ADAMTS18: variants seen among roughly 807,000 people sequenced by gnomAD.
ADAMTS18 encodes the protein A disintegrin and metalloproteinase with thrombospondin motifs 18.
ADAMTS18 carries 157 observed loss-of-function variants against 165.9 expected under a neutral mutation model. The ratio of observed to expected loss-of-function variants is 0.95; its 90% CI spans 0.83 to 1.08. ADAMTS18 has a LOEUF of 1.08. Ranked by LOEUF, ADAMTS18 falls within the 50% of genes least tolerant of loss-of-function variation. ADAMTS18 has a pLI of 0.00. For missense variants in ADAMTS18, 2,040 were observed against 1,534.0 expected (o/e 1.33, Z -5.51); for synonymous variants, 782 against 578.2 (o/e 1.35, Z -5.06).
intron 19 of ADAMTS18, among the ~76,000 whole-genome samples, chr16:77,294,256 A>T (rs1444917758): frequency 6.6e-6 from 1 of 152,068 alleles, no homozygotes; most frequent in Non-Finnish European, 1.5e-5. Flanking sequence ...GACATTTTGG[A>T]TCAGATAATT....
chr16:77,323,148 G>T (rs1002196760), intron 13 of ADAMTS18, among the ~76,000 whole-genome samples: 13 of 152,082 alleles, frequency 8.5e-5, no homozygotes, highest in African/African-American at 2.7e-4. Flanking sequence ...TATTTATAGA[G>T]CTCTTGTTAT....
intron 18 of ADAMTS18, among the ~76,000 whole-genome samples, chr16:77,296,589 T>G (rs538843134): frequency 4.0e-4 from 61 of 152,260 alleles, no homozygotes; most frequent in African/African-American, 1.3e-3. Flanking sequence ...TGCCAGAACT[T>G]TGGGATGCTG....
chr16:77,413,164 C>A (rs1347364893), intron 3 of ADAMTS18, among the ~76,000 whole-genome samples: 1 of 152,152 alleles, frequency 6.6e-6, no homozygotes, highest in Non-Finnish European at 1.5e-5. Flanking sequence ...GCACCCACTG[C>A]TATTTCCCTA....
intron 22 of ADAMTS18, among the ~76,000 whole-genome samples, chr16:77,287,369 G>GA (rs1281235150): frequency 6.6e-6 from 1 of 152,146 alleles, no homozygotes; most frequent in African/African-American, 2.4e-5. Context: ...GGGAATGGGA[G>GA]AAAATCCTCA....
chr16:77,374,299 G>C (rs563610297), intron 3 of ADAMTS18, among the ~76,000 whole-genome samples: 125 of 151,958 alleles, frequency 8.2e-4, no homozygotes, highest in Admixed American at 2.0e-3. Context: ...GCCAATATCA[G>C]AGAAGGAAAC....
intron 11 of ADAMTS18, among the ~76,000 whole-genome samples, chr16:77,336,108 T>C (rs914664922): frequency 6.6e-6 from 1 of 152,186 alleles, no homozygotes; most frequent in Non-Finnish European, 1.5e-5. Context: ...GGCTGACATC[T>C]AGAGAGAAGT....
rs958127233 is a variant in ADAMTS18, at chr16:77,289,299, C to T, written c.3515G>A (p.Cys1172Tyr). The change falls in exon 22 of 23, where the codon TGT becomes TAT. Residue 1172 changes from cysteine (C) to tyrosine (Y), a missense_variant. By Grantham distance (194) the Cys-to-Tyr change is radical (BLOSUM62 -2). Transcript: ENST00000282849. ...AGGAGCTGGACAGAAGTTTGTATTA[C>T]AGGCTCGTAGCACCGGAGGTTTCTG... ...LHQKPPVLRA[C>Y]NTNFCPAPEK... 6.8e-6 allele frequency: 11 copies of T among 1,614,060 alleles called. No homozygotes were observed. Among genetic ancestry groups the T allele is most frequent in the Non-Finnish European group, 8.5e-6 (10 of 1,180,020 alleles).
rs577623226 is a variant in ADAMTS18 at position 77,377,763 on chromosome 16, T to A, written c.496-10040A>T. On this transcript the variant is annotated intron_variant, in intron 3 of 22. Coordinates refer to ENST00000282849, the MANE Select transcript of ADAMTS18 (RefSeq NM_199355.4). ...TACCTCAGTCAAGATGTCACATTCT[T>A]TAAAAATTTTTTTAAATCTAAGCAA... 1.2e-4 allele frequency among the ~76,000 whole-genome samples: 18 copies of A among 152,326 alleles called. No individual in the cohort carries two copies. In the East Asian group the frequency reaches 1.7e-3, roughly 15 times the overall value.
At chr16:77,379,629 C>A (rs1301305416) in intron 3 of ADAMTS18, among the ~76,000 whole-genome samples, 1 of 152,164 alleles carries the variant, frequency 6.6e-6, no homozygotes. Context: ...GCTGGAACTA[C>A]AGGTGCGTGC....
At chr16:77,387,809 A>T (rs561609617) in intron 3 of ADAMTS18, among the ~76,000 whole-genome samples, 1 of 152,338 alleles carries the variant, frequency 6.6e-6, no homozygotes, top group East Asian at 1.9e-4. Context: ...CAAGACTGTG[A>T]GTAAAGCAAC....
chr16:77,404,005 C>T (rs2057363540), intron 3 of ADAMTS18, among the ~76,000 whole-genome samples: 1 of 144,494 alleles, frequency 6.9e-6, no homozygotes, highest in Non-Finnish European at 1.5e-5. Context: ...CCCTTCCTCC[C>T]TCCCTCCCTC....
At chr16:77,297,916 CTTTTTTTTT>C (rs34422251) in intron 17 of ADAMTS18, among the ~76,000 whole-genome samples, 20 of 61,554 alleles carry the variant, frequency 3.2e-4, no homozygotes, top group Non-Finnish European at 4.7e-4. Flanking sequence ...TCTGCTTTTG[CTTTTTTTTT>C]TTTTTTTTTT....
chr16:77,325,537 C>G (rs1382588536), intron 13 of ADAMTS18, among the ~76,000 whole-genome samples: 1 of 151,920 alleles, frequency 6.6e-6, no homozygotes, highest in East Asian at 1.9e-4. Context: ...TTGGTCTGGA[C>G]AGTTCATACC....
Position 77,293,051 on chromosome 16 carries a change from C to A in ADAMTS18, c.3189+25G>T, listed in dbSNP as rs1039366512. 33 of 1,613,690 alleles carry A rather than the reference C, an allele frequency of 2.0e-5. No homozygotes were observed. The Admixed American group carries it at 4.2e-4, about 20-fold the overall frequency. On this transcript the variant is annotated intron_variant, in intron 20 of 22. Coordinates refer to ENST00000282849, the MANE Select transcript of ADAMTS18 (RefSeq NM_199355.4). The stretch of plus-strand genomic sequence containing the variant: ...AGCCAGGATGGTCTCAATCTCCTGA[C>A]CCAGCAGTGACTTCTAATCCATACC...
rs1292060488 is a variant in ADAMTS18, at chr16:77,335,640, G to A, written c.1859+116C>T. The A allele has an allele frequency of 6.3e-6, 8 of 1,272,386 alleles. No individual in the cohort carries two copies. In the East Asian group the frequency reaches 1.7e-4, roughly 27 times the overall value. The allele number at this position is 1,272,386 out of a possible 1,614,324, so 78.8% of individuals were successfully genotyped here. A position where few individuals can be genotyped will look rare whatever the true frequency, so the allele number is the denominator to read the frequency against. On this transcript the variant is annotated intron_variant, in intron 12 of 22. Transcript: ENST00000282849. ...CCCCATAAATATGTATAACCATTAT[G>A]TAGCCATAATAATTAAAAATAAAAA...
At chr16:77,372,845 T>C (rs1455936854) in intron 3 of ADAMTS18, among the ~76,000 whole-genome samples, 1 of 152,162 alleles carries the variant, frequency 6.6e-6, no homozygotes, top group African/African-American at 2.4e-5. Flanking sequence ...TCCTATCCAA[T>C]AGGGTTTCCC....
chr16:77,409,291 G>C (rs1295217541), intron 3 of ADAMTS18, among the ~76,000 whole-genome samples: 3 of 152,114 alleles, frequency 2.0e-5, no homozygotes, highest in Non-Finnish European at 4.4e-5. Flanking sequence ...GAAGCACCTT[G>C]CAAACTAAGT....
chr16:77,363,935 AG>A, intron 5 of ADAMTS18, 50 bp from the exon 6 acceptor site: 1 of 1,552,164 alleles, frequency 6.4e-7, no homozygotes, highest in Non-Finnish European at 8.9e-7. Flanking sequence ...TCAAAACCTT[AG>A]GGGGAATCAA....
At chr16:77,397,914 C>T (rs1335264742) in intron 3 of ADAMTS18, among the ~76,000 whole-genome samples, 4 of 152,290 alleles carry the variant, frequency 2.6e-5, no homozygotes, top group South Asian at 2.1e-4. Context: ...GTCCTATGTA[C>T]AGCAAAATTG....
Sources: allele counts gnomAD v4.1 joint callset (sites outside exome capture counted in the v4.1 genomes callset), GRCh38; gene constraint gnomAD v4.1.1; transcripts MANE v1.5; gene names NCBI Gene and HGNC (gene_info 2026-07-23, HGNC 2026-07-21).